Variants in CCDC91 observed in about 807,000 individuals in gnomAD.
The protein encoded by CCDC91 is coiled-coil domain-containing protein 91.
CCDC91 carries 48 observed loss-of-function variants against 63.2 expected under a neutral mutation model. That is an observed-to-expected ratio of 0.76 (90% CI 0.60 to 0.97). The LOEUF (loss-of-function observed/expected upper bound fraction) is 0.97. Ranked by LOEUF, CCDC91 falls within the 50% of genes least tolerant of loss-of-function variation. CCDC91 has a pLI of 0.00. For missense variants in CCDC91, 500 were observed against 494.6 expected (o/e 1.01, Z -0.10); for synonymous variants, 167 against 165.8 (o/e 1.01, Z -0.06).
At chr12:28,385,789 G>A (rs1283761685) in intron 7 of CCDC91, among the ~76,000 whole-genome samples, 1 of 152,154 alleles carries the variant, frequency 6.6e-6, no homozygotes, top group Non-Finnish European at 1.5e-5. Context: ...TTTCAAGGGA[G>A]GAGAAATCTG....
chr12:28,422,176 C>A (rs547771010), intron 8 of CCDC91, among the ~76,000 whole-genome samples: 1 of 152,034 alleles, frequency 6.6e-6, no homozygotes, highest in Non-Finnish European at 1.5e-5. Context: ...TGGTTGTTGT[C>A]TTTAACATAG....
At chr12:28,276,224 T>C in intron 3 of CCDC91, among the ~76,000 whole-genome samples, 1 of 152,204 alleles carries the variant, frequency 6.6e-6, no homozygotes, top group East Asian at 1.9e-4. Flanking sequence ...TGTGTGTATA[T>C]TTAATCATGT....
At chr12:28,296,050 TTATTTC>T (rs1309624634) in intron 3 of CCDC91, among the ~76,000 whole-genome samples, 2 of 151,926 alleles carry the variant, frequency 1.3e-5, no homozygotes, top group African/African-American at 4.8e-5. Context: ...CTTCATTAGT[TTATTTC>T]TATTTTCATT....
At chr12:28,519,857 A>G (rs560029282) in intron 12 of CCDC91, among the ~76,000 whole-genome samples, 1 of 151,910 alleles carries the variant, frequency 6.6e-6, no homozygotes, top group Admixed American at 6.6e-5. Flanking sequence ...GCTGAGAATG[A>G]TGGATACCAG....
intron 3 of CCDC91, among the ~76,000 whole-genome samples, chr12:28,288,624 G>A (rs1283370658): frequency 6.6e-6 from 1 of 152,246 alleles, no homozygotes; most frequent in East Asian, 1.9e-4. Context: ...GTTCATCAAG[G>A]ATATTGGCAT....
intron 6 of CCDC91, among the ~76,000 whole-genome samples, chr12:28,345,606 T>G (rs997764678): frequency 8.5e-5 from 13 of 152,056 alleles, no homozygotes; most frequent in Non-Finnish European, 1.8e-4. Flanking sequence ...ATAAACATAG[T>G]TTAAAGAGCC....
chr12:28,239,607 A>AATATAATAAAGTGTATCCAACATAAACT (rs1203843066), intron 1 of CCDC91, among the ~76,000 whole-genome samples: 1 of 152,166 alleles, frequency 6.6e-6, no homozygotes, highest in African/African-American at 2.4e-5. Flanking sequence ...TATGCTAGGA[A>AATATAATAAAGTGTATCCAACATAAACT]ATATAATAAA....
At chr12:28,192,298 T>G (rs1462983199) in intron 1 of CCDC91, among the ~76,000 whole-genome samples, 1 of 152,204 alleles carries the variant, frequency 6.6e-6, no homozygotes, top group East Asian at 1.9e-4. Context: ...ATGTGTCAGA[T>G]GTATGCATTA....
intron 8 of CCDC91, among the ~76,000 whole-genome samples, chr12:28,416,263 A>G (rs1947655083): frequency 6.6e-6 from 1 of 152,158 alleles, no homozygotes; most frequent in African/African-American, 2.4e-5. Context: ...CTTAGCATTT[A>G]TATTAAATAG....
intron 12 of CCDC91, among the ~76,000 whole-genome samples, chr12:28,521,115 A>C (rs954730590): frequency 1.1e-4 from 16 of 152,288 alleles, no homozygotes; most frequent in African/African-American, 3.6e-4. Flanking sequence ...GAAGAAAGTC[A>C]TTGGTAGCTT....
intron 7 of CCDC91, among the ~76,000 whole-genome samples, chr12:28,384,104 G>T (rs1418004062): frequency 6.6e-6 from 1 of 152,002 alleles, no homozygotes; most frequent in Non-Finnish European, 1.5e-5. Context: ...CCATCATTTG[G>T]ATACTATTTC....
intron 12 of CCDC91, among the ~76,000 whole-genome samples, chr12:28,513,413 A>G (rs1939588079): frequency 6.6e-6 from 1 of 151,858 alleles, no homozygotes; most frequent in Non-Finnish European, 1.5e-5. Flanking sequence ...TGAAGTCCAG[A>G]ATGCTTTAAG....
intron 11 of CCDC91, among the ~76,000 whole-genome samples, chr12:28,461,340 C>T (rs916061883): frequency 1.3e-5 from 2 of 151,914 alleles, no homozygotes; most frequent in East Asian, 1.9e-4. Flanking sequence ...TCTCTACTGT[C>T]CTTTCTACAC....
At chr12:28,336,580 C>T (rs1009738708) in intron 6 of CCDC91, among the ~76,000 whole-genome samples, 10 of 152,060 alleles carry the variant, frequency 6.6e-5, no homozygotes, top group African/African-American at 2.4e-4. Flanking sequence ...TGACTATTTT[C>T]TGAAGCTTGA....
intron 8 of CCDC91, among the ~76,000 whole-genome samples, chr12:28,440,609 G>C (rs2140200148): frequency 1.3e-5 from 2 of 152,206 alleles, no homozygotes; most frequent in South Asian, 4.1e-4. Flanking sequence ...GAAAACTTCT[G>C]CTACTTGAAA....
At chr12:28,548,758 C>T (rs2141904381) in intron 12 of CCDC91, among the ~76,000 whole-genome samples, 1 of 152,214 alleles carries the variant, frequency 6.6e-6, no homozygotes, top group East Asian at 1.9e-4. Context: ...TGCGTATATA[C>T]ACTAAGAACT....
intron 11 of CCDC91, among the ~76,000 whole-genome samples, chr12:28,479,262 A>C (rs1461525264): frequency 1.3e-5 from 2 of 152,198 alleles, no homozygotes; most frequent in African/African-American, 4.8e-5. Flanking sequence ...ACACATGTAC[A>C]CCATGGAATA....
chr12:28,278,596 T>C (rs1199007005), intron 3 of CCDC91, among the ~76,000 whole-genome samples: 3 of 152,118 alleles, frequency 2.0e-5, no homozygotes, highest in African/African-American at 7.2e-5. Context: ...CAAGTCTTTT[T>C]GTTTATTCAG....
chr12:28,489,701 T>G (rs1951899272), intron 12 of CCDC91, among the ~76,000 whole-genome samples: 1 of 151,928 alleles, frequency 6.6e-6, no homozygotes, highest in Admixed American at 6.6e-5. Context: ...GAAGCAATTT[T>G]CTTTACTTCA....
Sources: allele counts gnomAD v4.1 joint callset (sites outside exome capture counted in the v4.1 genomes callset), GRCh38; gene constraint gnomAD v4.1.1; transcripts MANE v1.5; gene names NCBI Gene and HGNC (gene_info 2026-07-23, HGNC 2026-07-21).